The following SDHA variants were observed in gnomAD, a reference collection of about 807,000 sequenced individuals.
SDHA encodes succinate dehydrogenase [ubiquinone] flavoprotein subunit, mitochondrial.
A neutral mutation model predicts 78.4 loss-of-function variants in SDHA; 48 were observed. The observed-to-expected ratio is 0.61, with a 90% CI of 0.49 to 0.78. SDHA has a LOEUF of 0.78. Among genes scored for constraint, SDHA ranks in the 30% least tolerant of loss-of-function variants. SDHA has a pLI of 0.00. For missense variants in SDHA, 680 were observed against 892.7 expected (o/e 0.76, Z 3.04); for synonymous variants, 326 against 353.9 (o/e 0.92, Z 0.88).
the SDHA span, among the ~76,000 whole-genome samples, chr5:267,688 G>A: frequency 4.7e-4 from 72 of 152,344 alleles, no homozygotes; most frequent in African/African-American, 1.7e-3. Flanking sequence ...CCCAGTATTT[G>A]GATACATTAT....
At chr5:258,527 T>C (rs1160747926), downstream of SDHA, among the ~76,000 whole-genome samples, 1 of 112,226 alleles carries the variant, frequency 8.9e-6, no homozygotes, top group Admixed American at 8.7e-5. Flanking sequence ...TGCCAGAGCA[T>C]TACTGTGAGC....
At chr5:246,894 G>A (rs527429772) in intron 11 of SDHA, among the ~76,000 whole-genome samples, 35 of 152,322 alleles carry the variant, frequency 2.3e-4, no homozygotes, top group African/African-American at 7.2e-4. Context: ...TCCCTCTCAC[G>A]AAGGCACAAA....
At chr5:227,941 G>T in intron 5 of SDHA, 2 of 494,512 alleles carry the variant, frequency 4.0e-6, no homozygotes, top group Non-Finnish European at 7.4e-6. Flanking sequence ...GTAGAAGTAG[G>T]AAATGTGTCA....
rs575300148 is a variant in SDHA at position 254,544 on chromosome 5, C to T, written c.1908+38C>T. 1.4e-5 allele frequency: 22 copies of T among 1,520,078 alleles called. No individual in the cohort carries two copies. In the East Asian group the frequency reaches 5.2e-4, roughly 36 times the overall value. 94.2% of individuals were successfully genotyped at this position (1,520,078 alleles called of 1,614,324 possible). A position where few individuals can be genotyped will look rare whatever the true frequency, so the allele number is the denominator to read the frequency against. ...CTCGTTCTCACCACAGCCCAGCACC[C>T]ACACGGCCCCGCCCAGGCCTGCGGG... On this transcript the variant is annotated intron_variant, in intron 14 of 14. Coordinates refer to ENST00000264932, the MANE Select transcript of SDHA (RefSeq NM_004168.4).
At chr5:259,279 C>A (rs1278362257), downstream of SDHA, among the ~76,000 whole-genome samples, 1 of 33,472 alleles carries the variant, frequency 3.0e-5, no homozygotes, top group African/African-American at 2.0e-4. Flanking sequence ...CCGCCTCCCG[C>A]CAGAGCATTA....
chr5:244,196 C>T (rs1736310448), intron 11 of SDHA, among the ~76,000 whole-genome samples: 3 of 151,732 alleles, frequency 2.0e-5, no homozygotes, highest in African/African-American at 7.3e-5. Flanking sequence ...GCCGGTAGTG[C>T]CACAGTAGAT....
intron 1 of SDHA, chr5:220,308 C>T (rs1307258648): frequency 2.3e-6 from 1 of 439,646 alleles, no homozygotes; most frequent in Non-Finnish European, 4.5e-6. Flanking sequence ...CAAGAAACTT[C>T]AATAGTTACT....
At chr5:238,980 A>G (rs1735957377) in intron 10 of SDHA, among the ~76,000 whole-genome samples, 1 of 151,670 alleles carries the variant, frequency 6.6e-6, no homozygotes, top group Admixed American at 6.6e-5. Flanking sequence ...AAGAAAAAGT[A>G]AATTGTAGAA....
chr5:266,168 A>G, the SDHA span, among the ~76,000 whole-genome samples: 346 of 152,368 alleles, frequency 2.3e-3, no homozygotes, highest in African/African-American at 7.8e-3. Flanking sequence ...GGTCCAATAA[A>G]TGAAGGAAAA....
rs906281170 is a variant in SDHA at position 225,535 on chromosome 5, G to A, written c.429G>A (p.Thr143=). 7 of 1,613,750 alleles carry A rather than the reference G, an allele frequency of 4.3e-6. No individual in the cohort carries two copies. The highest frequency in any genetic ancestry group is 4.0e-5 in the African/African-American group (3 of 74,892). ...ACCAGGATGCCATCCACTACATGAC[G>A]GAGCAGGCCCCCGCCGCCGTGGTCG... The part of the protein sequence containing the change: ...LGDQDAIHYM[T]EQAPAAVVEL... Residue 143 remains threonine (T), a synonymous_variant, in exon 4 of 15, where the codon ACG becomes ACA. Coordinates refer to ENST00000264932, the MANE Select transcript of SDHA (RefSeq NM_004168.4).
downstream of SDHA, among the ~76,000 whole-genome samples, chr5:261,708 C>T (rs1270691804): frequency 1.8e-4 from 8 of 45,690 alleles, no homozygotes; most frequent in Non-Finnish European, 2.8e-4. Context: ...CTCCGCCTCC[C>T]GGCAGAGCAT....
chr5:236,843 G>T (rs1307018544), intron 10 of SDHA, among the ~76,000 whole-genome samples: 1 of 151,242 alleles, frequency 6.6e-6, no homozygotes, highest in East Asian at 1.9e-4. Context: ...GTAGAGACAG[G>T]GTCTCACAAT....
intron 3 of SDHA, among the ~76,000 whole-genome samples, 155 bp from the exon 4 acceptor site, chr5:225,264 G>A (rs183334224): frequency 5.8e-4 from 88 of 152,202 alleles, no homozygotes; most frequent in East Asian, 4.8e-3. Context: ...GGAATCTGTC[G>A]GGTCTCGCTG....
chr5:218,844 C>G (rs1171337144), intron 1 of SDHA, among the ~76,000 whole-genome samples: 1 of 152,164 alleles, frequency 6.6e-6, no homozygotes, highest in South Asian at 2.1e-4. Flanking sequence ...CTCTGCCGCC[C>G]TCTGTGCGGG....
At chr5:268,221 T>C in the SDHA span, among the ~76,000 whole-genome samples, 2 of 151,926 alleles carry the variant, frequency 1.3e-5, no homozygotes, top group African/African-American at 2.4e-5. Flanking sequence ...TCTCACTCTG[T>C]TGCCCAGGCT....
the SDHA span, among the ~76,000 whole-genome samples, chr5:267,016 A>C: frequency 1.3e-5 from 2 of 152,156 alleles, no homozygotes; most frequent in African/African-American, 2.4e-5. Flanking sequence ...TGATGCTATC[A>C]CTAGAAAGTT....
At chr5:254,051 T>A (rs563371551) in intron 13 of SDHA, among the ~76,000 whole-genome samples, 9,644 of 147,382 alleles carry the variant, frequency 0.065, 480 homozygotes, top group Non-Finnish European at 0.088. Flanking sequence ...AAAAAAAAAA[T>A]TTTTTTTTAA....
rs776529046 is a variant in SDHA, at chr5:224,535, GC to G, written c.312+18del. ...GTTGCAGCACAGGTAAGAGAAAGGT[GC>G]CCCACTGTGCTCCCACTCCGTGCAG... On this transcript the variant is annotated intron_variant, in intron 3 of 14. Coordinates refer to ENST00000264932, the MANE Select transcript of SDHA (RefSeq NM_004168.4). The G allele has an allele frequency of 1.2e-6, 2 of 1,611,330 alleles. No individual in the cohort carries two copies.
At chr5:247,656 A>G (rs536470372) in intron 11 of SDHA, among the ~76,000 whole-genome samples, 24 of 152,330 alleles carry the variant, frequency 1.6e-4, no homozygotes, top group Admixed American at 6.5e-4. Context: ...CTCGTTTGGG[A>G]GACTAGCTTA....
Sources: gnomAD v4.1 joint callset for allele counts (sites outside exome capture counted in the v4.1 genomes callset) on GRCh38, gnomAD v4.1.1 for gene constraint, MANE v1.5 for transcripts, NCBI Gene and HGNC (gene_info 2026-07-23, HGNC 2026-07-21) for gene names.